The following USP20 variants were observed in gnomAD, a reference collection of about 807,000 sequenced individuals.
USP20 encodes the protein ubiquitin carboxyl-terminal hydrolase 20.
In USP20, 80 loss-of-function variants were observed where a neutral mutation model predicts 124.2. The observed-to-expected ratio is 0.64, with a 90% confidence interval of 0.54 to 0.78. USP20 has a LOEUF of 0.78. USP20 is among the 30% of genes least tolerant of loss of function. The probability of loss-of-function intolerance (pLI) is 0.00; values close to 1 mark genes in which losing one functional copy is unlikely to be tolerated. For synonymous variants in USP20, 481 were observed against 512.3 expected, an observed-to-expected ratio of 0.94 and a Z score of 0.83; for missense variants, 1,043 against 1,244.4, an observed-to-expected ratio of 0.84 and a Z score of 2.44.
At chr9:129,849,396 A>G (rs942212099) in intron 1 of USP20, among the ~76,000 whole-genome samples, 31 of 152,188 alleles carry the variant, frequency 2.0e-4, no homozygotes, top group African/African-American at 6.3e-4. Flanking sequence ...CAATATCCTG[A>G]AATTAGTTCC....
chr9:129,856,642 A>G (rs113226563), intron 4 of USP20, among the ~76,000 whole-genome samples: 47 of 152,378 alleles, frequency 3.1e-4, no homozygotes, highest in African/African-American at 9.9e-4. Flanking sequence ...CTAGCTTGGC[A>G]TGAATATGTG....
At position 129,852,609 on chromosome 9, in the gene USP20, CA is replaced by C. The variant is rs2131051068; in HGVS notation, c.57del (p.Glu20ArgfsTer53). The C allele has an allele frequency of 6.3e-7, 1 of 1,598,124 alleles. No homozygotes were observed. The highest frequency in any genetic ancestry group is 1.1e-5 in the South Asian group (1 of 88,232). On this transcript the variant is annotated frameshift_variant, in exon 3 of 26. Transcript: ENST00000372429. LOFTEE classifies it high-confidence loss of function. ...ACCTTGACTCCATAGGAGAGGTGAC[CA>C]AAGAGGACTTGCTGCTCAAATCTAA... is the stretch of plus-strand genomic sequence containing the variant. ...PHLDSIGEVTKEDLLLKSKGT... is the reference protein window; with the variant it reads ...PHLDSIGEVTXEDLLLKSKGT...
chr9:129,876,108 C>T, intron 21 of USP20, 22 bp from the exon 22 acceptor site: 1 of 1,600,832 alleles, frequency 6.2e-7, no homozygotes. Flanking sequence ...GGCCGTGTCT[C>T]TCTCTCCCAC....
chr9:129,879,720 C>T lies in USP20; in HGVS notation c.2584+76C>T. On this transcript the variant is annotated intron_variant, in intron 24 of 25. Transcript: ENST00000372429. This position sits in a 1 kb window ranked among gnomAD's most constrained non-coding sequence, Gnocchi z 4.2. ...CAGGCTGCTGCCCAGTCCCGTCCTT[C>T]CAGGAGCCCCCTTACCACCTGTCTT... 6.6e-7 allele frequency: 1 copy of T among 1,524,538 alleles called. No homozygotes were observed. Among genetic ancestry groups the T allele is most frequent in the Non-Finnish European group, 9.1e-7 (1 of 1,102,366 alleles). The allele number at this position is 1,524,538 out of a possible 1,614,324, so 94.4% of individuals were successfully genotyped here.
intron 10 of USP20, 76 bp downstream of exon 10, chr9:129,865,457 T>G (rs2033777478): frequency 1.3e-6 from 2 of 1,510,622 alleles, no homozygotes; most frequent in East Asian, 4.5e-5. Flanking sequence ...AAAACCAGAG[T>G]GGAAAATCGC....
intron 21 of USP20, 99 bp downstream of exon 21, chr9:129,875,740 A>T: frequency 8.4e-7 from 1 of 1,194,154 alleles, no homozygotes; most frequent in South Asian, 1.4e-5. Context: ...AGGACCCCAC[A>T]CCACACTCTG....
chr9:129,838,121 A>G (rs1230315868), intron 1 of USP20, among the ~76,000 whole-genome samples: 1 of 150,042 alleles, frequency 6.7e-6, no homozygotes, highest in African/African-American at 2.5e-5. Flanking sequence ...GGCTCACTCC[A>G]ACCTCCGCCT....
At position 129,874,917 on chromosome 9, in the gene USP20, G is replaced by A. The variant is rs371985178; in HGVS notation, c.2010G>A (p.Thr670=). The A allele has an allele frequency of 1.5e-5, 25 of 1,613,966 alleles. No homozygotes were observed. In the East Asian group the frequency reaches 2.4e-4, roughly 16 times the overall value. ...DDQYVTEVHE[T]VVQNAEGYVL... ...AGTACGTCACAGAAGTCCACGAGAC[G>A]GTGGTGCAGAACGCCGAGGGCTACG... The change falls in exon 19 of 26, where the codon ACG becomes ACA. Residue 670 remains threonine, a synonymous_variant. Coordinates refer to ENST00000372429, the MANE Select transcript of USP20 (RefSeq NM_001110303.4).
In USP20 at chr9:129,869,136, G is replaced by T; in HGVS notation, c.1276+134G>T. On this transcript the variant is annotated intron_variant, in intron 12 of 25. Transcript: ENST00000372429. ...TCTCAGGTACACCCCTGAGACACCA[G>T]TGTGGGAGCCACGTTTTGCAGAGGA... The T allele has an allele frequency of 2.1e-6, 3 of 1,409,434 alleles. No individual in the cohort carries two copies. In the East Asian group the frequency reaches 7.3e-5, roughly 34 times the overall value. The allele number at this position is 1,409,434 out of a possible 1,614,324, so 87.3% of individuals were successfully genotyped here.
chr9:129,860,932 C>CAA lies in USP20; in HGVS notation c.331-4_331-3insAA. On this transcript the variant is annotated splice_polypyrimidine_tract_variant and splice_region_variant and intron_variant, in intron 6 of 25. Transcript: ENST00000372429. ...TGTTTTCCTCACTTTGGGTCTTTAA[C>CAA]ACAGGACTCCCCGCCACCCTCCCAC... 1 of 1,614,002 alleles carries CAA rather than the reference C, an allele frequency of 6.2e-7. No homozygotes were observed. Among genetic ancestry groups the CAA allele is most frequent in the Non-Finnish European group, 8.5e-7 (1 of 1,179,842 alleles).
rs200928022 is a variant in USP20, at chr9:129,868,400, G to A, written c.1086G>A (p.Ala362=). ...TAMAALDDQP[A]EAQPPSPRSS... is the part of the protein sequence containing the mutation. The stretch of plus-strand genomic sequence containing the variant: ...TGGCTGCCCTTGACGACCAGCCCGC[G>A]GAGGCCCAGCCCCCGTCACCACGGT... The change falls in exon 11 of 26, where the codon GCG becomes GCA. Residue 362 remains alanine, a synonymous_variant. Transcript: ENST00000372429. The A allele has an allele frequency of 3.0e-4, 489 of 1,612,410 alleles. 1 individual carries two copies. The African/African-American group carries it at 4.6e-3, about 15-fold the overall frequency.
At chr9:129,842,663 G>A (rs1225887262) in intron 1 of USP20, among the ~76,000 whole-genome samples, 2 of 150,828 alleles carry the variant, frequency 1.3e-5, no homozygotes, top group Admixed American at 6.6e-5. Context: ...GCGTGATCTC[G>A]GCTCACTGCA....
chr9:129,868,953 C>G lies in USP20; in HGVS notation c.1227C>G (p.Pro409=), dbSNP rs370444059. Residue 409 remains proline (P), a synonymous_variant, in exon 12 of 26, where the codon CCC becomes CCG. Transcript: ENST00000372429. ...HEGHAKLSSS[P]PRASPVRMAP... is the part of the protein sequence containing the mutation. Reference sequence around the variant, plus strand: ...GCCATGCCAAGCTGTCTAGCAGCCCCCCTCGTGCAAGCCCCGTGAGGATGG... The same window carrying G: ...GCCATGCCAAGCTGTCTAGCAGCCCGCCTCGTGCAAGCCCCGTGAGGATGG... 4 of 1,612,732 alleles carry G rather than the reference C, an allele frequency of 2.5e-6. No homozygotes were observed. The African/African-American group carries it at 5.3e-5, about 22-fold the overall frequency.
intron 3 of USP20, among the ~76,000 whole-genome samples, chr9:129,855,424 C>G (rs1282836883): frequency 1.0e-5 from 1 of 97,980 alleles, no homozygotes; most frequent in African/African-American, 3.6e-5. Flanking sequence ...GAGCGAGACT[C>G]CATCTCAAAA....
chr9:129,874,571 C>T lies in USP20; in HGVS notation c.1741-5C>T, dbSNP rs946939085. ...AGATGACCGGCGCTCTCTCTGTCCC[C>T]GCAGATCCTGTGCATTCACCTAAAG... On this transcript the variant is annotated splice_region_variant and splice_polypyrimidine_tract_variant and intron_variant, in intron 17 of 25. Transcript: ENST00000372429. The T allele has an allele frequency of 2.4e-5, 39 of 1,613,224 alleles. No homozygotes were observed. The highest frequency in any genetic ancestry group is 1.6e-4 in the Middle Eastern group (1 of 6,084).
chr9:129,852,946 T>A (rs1292048149), intron 3 of USP20, among the ~76,000 whole-genome samples: 1 of 152,064 alleles, frequency 6.6e-6, no homozygotes, highest in Non-Finnish European at 1.5e-5. Context: ...CAGGAGCGTT[T>A]TTACACAGGT....
chr9:129,860,785 C>CT, intron 6 of USP20, 152 bp from the exon 7 acceptor site: 1 of 756,248 alleles, frequency 1.3e-6, no homozygotes, highest in South Asian at 1.6e-5. Flanking sequence ...AATCCTATCT[C>CT]TTTTCACAGT....
intron 1 of USP20, among the ~76,000 whole-genome samples, chr9:129,845,906 A>AG (rs1435056458): frequency 6.6e-6 from 1 of 151,744 alleles, no homozygotes; most frequent in African/African-American, 2.4e-5. Context: ...CTGTAATAAT[A>AG]GGTTTTTTTT....
Position 129,849,862 on chromosome 9 carries a change from T to C in USP20, c.-79T>C, listed in dbSNP as rs1050184794. On this transcript the variant is annotated 5_prime_UTR_variant, in exon 2 of 26. Coordinates refer to ENST00000372429, the MANE Select transcript of USP20 (RefSeq NM_001110303.4). ...ACTCCAGACCCCTATAGCCCGTCGC[T>C]GTCAGCTGTCAACAAAGGATGCGAA... The C allele has an allele frequency of 6.6e-6, 1 of 152,408 alleles. No homozygotes were observed. The highest frequency in any genetic ancestry group is 1.5e-5 in the Non-Finnish European group (1 of 68,100). The allele number at this position is 152,408 out of a possible 1,614,324, so 9.4% of individuals were successfully genotyped here.
Sources: allele counts gnomAD v4.1 joint callset (sites outside exome capture counted in the v4.1 genomes callset), GRCh38; gene constraint gnomAD v4.1.1; non-coding constraint Gnocchi (gnomAD v3.1); transcripts MANE v1.5; gene names NCBI Gene and HGNC (gene_info 2026-07-23, HGNC 2026-07-21).